Variants in CASR observed in about 807,000 individuals in gnomAD.
CASR encodes extracellular calcium-sensing receptor.
In CASR, 23 loss-of-function variants were observed where a neutral mutation model predicts 69.1. That is an observed-to-expected ratio of 0.33 (90% CI 0.24 to 0.47). The LOEUF is 0.47. Ranked by LOEUF, CASR falls within the 20% of genes least tolerant of loss-of-function variation. CASR has a pLI of 1.00. For missense variants in CASR, 924 were observed against 1,356.1 expected (o/e 0.68, Z 5.00); for synonymous variants, 541 against 544.7 (o/e 0.99, Z 0.10).
intron 1 of CASR, among the ~76,000 whole-genome samples, chr3:122,221,526 G>A (rs568630823): frequency 4.6e-5 from 7 of 152,288 alleles, no homozygotes; most frequent in Non-Finnish European, 1.0e-4. Flanking sequence ...TGATGGAATG[G>A]AAGAGGCTCT....
In CASR at chr3:122,255,929, C is replaced by T. The variant is rs547616165; in HGVS notation, c.186-1152C>T. ...TAAAGAACCTGGTGAGTTGTTTTTT[C>T]CTCTAGACACAAATACACTGATTCA... On this transcript the variant is annotated intron_variant, in intron 2 of 6. Coordinates refer to ENST00000639785, the MANE Select transcript of CASR (RefSeq NM_000388.4). 4.6e-4 allele frequency among the ~76,000 whole-genome samples: 70 copies of T among 152,116 alleles called. 1 individual carries two copies. In the South Asian group the frequency reaches 7.3e-3, roughly 16 times the overall value.
chr3:122,201,071 G>A (rs2073945745), intron 1 of CASR, among the ~76,000 whole-genome samples: 1 of 148,812 alleles, frequency 6.7e-6, no homozygotes, highest in Non-Finnish European at 1.5e-5. Flanking sequence ...AGGGTCATAG[G>A]ACAATAGTGG....
chr3:122,231,758 CAA>C (rs11287887), intron 1 of CASR, among the ~76,000 whole-genome samples: 376 of 147,112 alleles, frequency 2.6e-3, no homozygotes, highest in Middle Eastern at 7.0e-3. Context: ...CTCCCACTCA[CAA>C]AAAAAAAAAA....
intron 1 of CASR, among the ~76,000 whole-genome samples, chr3:122,223,423 C>T (rs992977967): frequency 6.6e-6 from 1 of 152,160 alleles, no homozygotes; most frequent in Non-Finnish European, 1.5e-5. Context: ...ATCAAAACCT[C>T]TATGCACACA....
chr3:122,205,210 G>A (rs138573006), intron 1 of CASR, among the ~76,000 whole-genome samples: 395 of 151,960 alleles, frequency 2.6e-3, no homozygotes, highest in Admixed American at 5.6e-3. Context: ...TCATAGTTTC[G>A]GGTCTTATAT....
At position 122,275,814 on chromosome 3, in the gene CASR, C is replaced by A; in HGVS notation, c.1380C>A (p.Val460=). Residue 460 remains valine (V), a splice_region_variant and synonymous_variant, in exon 5 of 7, where the codon GTC becomes GTA. Transcript: ENST00000639785. ...ADIKKVEAWQ[V]LKHLRHLNFT... ...ACTCATTCTTTGCTCCTCTTTAGGT[C>A]CTGAAGCACCTACGGCATCTAAACT... 1 of 1,607,634 alleles carries A rather than the reference C, an allele frequency of 6.2e-7. No individual in the cohort carries two copies. The highest frequency in any genetic ancestry group is 1.1e-5 in the South Asian group (1 of 90,926).
chr3:122,209,369 G>A (rs201339019), intron 1 of CASR, among the ~76,000 whole-genome samples: 17 of 152,288 alleles, frequency 1.1e-4, no homozygotes, highest in East Asian at 3.9e-4. Context: ...GTGTTAGTCC[G>A]TTTTCACACT....
intron 3 of CASR, chr3:122,257,670 C>T (rs2074571090): frequency 1.5e-5 from 5 of 335,208 alleles, no homozygotes; most frequent in Non-Finnish European, 2.7e-5. Flanking sequence ...ATTTCCCACT[C>T]TATTCCTTTA....
Position 122,275,382 on chromosome 3 carries a change from C to T in CASR, c.1378-430C>T, listed in dbSNP as rs79133685. Among the ~76,000 whole-genome samples, 743 of 152,296 alleles carry T rather than the reference C, an allele frequency of 4.9e-3. 28 individuals are homozygous for T. The East Asian group carries it at 0.11, about 22-fold the overall frequency. ...AGCAGGATCATAGGAAAGGAAAGTG[C>T]GGAGAATAAGAGCACTCAGTCATTT... On this transcript the variant is annotated intron_variant, in intron 4 of 6. Coordinates refer to ENST00000639785, the MANE Select transcript of CASR (RefSeq NM_000388.4).
At chr3:122,265,923 T>A (rs944457713) in intron 4 of CASR, among the ~76,000 whole-genome samples, 1 of 152,014 alleles carries the variant, frequency 6.6e-6, no homozygotes, top group South Asian at 2.1e-4. Flanking sequence ...GGGGATAAAT[T>A]GTGAGGACAG....
At chr3:122,200,281 G>A (rs1388634950) in intron 1 of CASR, among the ~76,000 whole-genome samples, 1 of 152,124 alleles carries the variant, frequency 6.6e-6, no homozygotes, top group Non-Finnish European at 1.5e-5. Context: ...TAATTACCCT[G>A]ATTTGATCAT....
chr3:122,198,599 TTTC>T (rs1405317398), intron 1 of CASR, among the ~76,000 whole-genome samples: 3 of 152,098 alleles, frequency 2.0e-5, no homozygotes, highest in Non-Finnish European at 4.4e-5. Context: ...TTTCTTTTTG[TTTC>T]TTCTTCCTAC....
intron 4 of CASR, among the ~76,000 whole-genome samples, chr3:122,265,330 T>C (rs2074680101): frequency 6.6e-6 from 1 of 152,146 alleles, no homozygotes; most frequent in Non-Finnish European, 1.5e-5. Flanking sequence ...AGTCAACTCA[T>C]ATGCCTCAAA....
Position 122,276,008 on chromosome 3 carries a change from A to C in CASR, c.1574A>C (p.Glu525Ala). Reference sequence around the variant, plus strand: ...AAGGGAGAAAGACTCTTCATCAACGAGGAGAAAATCCTGTGGAGTGGGTTC... The same window carrying C: ...AAGGGAGAAAGACTCTTCATCAACGCGGAGAAAATCCTGTGGAGTGGGTTC... ...AKKGERLFIN[E>A]EKILWSGFSR... The change falls in exon 5 of 7, where the codon GAG becomes GCG. Residue 525 changes from glutamate to alanine, a missense_variant. Around this residue, in one of 8 missense-constraint regions of CASR, gnomAD observed 310 missense variants for 395.7 expected, o/e 0.78. Transcript: ENST00000639785. 1.2e-6 allele frequency: 2 copies of C among 1,613,752 alleles called. No individual in the cohort carries two copies.
At chr3:122,256,852 C>T (rs1252602174) in intron 2 of CASR, among the ~76,000 whole-genome samples, 2 of 152,162 alleles carry the variant, frequency 1.3e-5, no homozygotes, top group East Asian at 3.8e-4. Context: ...AACTCTGGAC[C>T]TCAAGTGATC....
intron 1 of CASR, among the ~76,000 whole-genome samples, chr3:122,186,111 A>G (rs932347793): frequency 1.3e-5 from 2 of 152,200 alleles, no homozygotes; most frequent in Non-Finnish European, 1.5e-5. Flanking sequence ...TTGAAATTAA[A>G]TTAGTTAAAA....
intron 1 of CASR, among the ~76,000 whole-genome samples, chr3:122,229,917 A>C (rs1263776728): frequency 6.6e-6 from 1 of 152,198 alleles, no homozygotes; most frequent in Non-Finnish European, 1.5e-5. Flanking sequence ...GTAAACTATG[A>C]AATAATGAGA....
intron 1 of CASR, among the ~76,000 whole-genome samples, chr3:122,209,688 G>A (rs1216738926): frequency 2.6e-5 from 4 of 152,014 alleles, no homozygotes; most frequent in African/African-American, 9.7e-5. Context: ...TGAGATTTGG[G>A]TGGGGACACA....
Position 122,196,109 on chromosome 3 carries a change from G to C in CASR, c.-243+12297G>C, listed in dbSNP as rs143653354. 2.6e-4 allele frequency among the ~76,000 whole-genome samples: 39 copies of C among 152,192 alleles called. 1 individual carries two copies. Among genetic ancestry groups the C allele is most frequent in the Admixed American group, 2.5e-3 (38 of 15,274 alleles). On this transcript the variant is annotated intron_variant, in intron 1 of 6. Transcript: ENST00000639785. Reference sequence around the variant, plus strand: ...AAAGAGAATTGGCTAAATAAAGCATGATACATAATCAATGAAATACCAAGT... The same window carrying C: ...AAAGAGAATTGGCTAAATAAAGCATCATACATAATCAATGAAATACCAAGT...
Sources: gnomAD v4.1 joint callset for allele counts (sites outside exome capture counted in the v4.1 genomes callset) on GRCh38, gnomAD v4.1.1 for gene constraint, gnomAD v4.1.1 regional missense constraint, MANE v1.5 for transcripts, NCBI Gene and HGNC (gene_info 2026-07-23, HGNC 2026-07-21) for gene names.